Variants in TAF3 observed in about 807,000 individuals in gnomAD.
TAF3 encodes the protein TATA-box binding protein associated factor 3.
A neutral mutation model predicts 80.6 loss-of-function variants in TAF3; 7 were observed. The observed-to-expected ratio is 0.09, with a 90% CI of 0.05 to 0.16. The LOEUF is 0.16. Ranked by LOEUF, TAF3 falls within the 10% of genes least tolerant of loss-of-function variation. The probability of loss-of-function intolerance (pLI) is 1.00; values close to 1 mark genes in which losing one functional copy is unlikely to be tolerated. For synonymous variants in TAF3, 444 were observed against 446.1 expected, an observed-to-expected ratio of 1.00 and a Z score of 0.06; for missense variants, 921 against 1,140.2, an observed-to-expected ratio of 0.81 and a Z score of 2.77.
At chr10:7,876,223 A>T (rs1201520306) in intron 2 of TAF3, among the ~76,000 whole-genome samples, 1 of 152,094 alleles carries the variant, frequency 6.6e-6, no homozygotes, top group Non-Finnish European at 1.5e-5. Context: ...TAAGAGAAAG[A>T]CTGGATTATT....
chr10:7,965,690 A>G lies in TAF3; in HGVS notation c.2180A>G (p.Lys727Arg). Residue 727 changes from lysine to arginine, a missense_variant, in exon 3 of 7, where the codon AAG becomes AGG. Coordinates refer to ENST00000344293, the MANE Select transcript of TAF3 (RefSeq NM_031923.4). ...EKKEKEREKE[K>R]REREKREKEK... Reference sequence around the variant, plus strand: ...AAGGAGAAGGAAAGAGAGAAAGAGAAGAGAGAGCGAGAGAAGAGAGAAAAA... The same window carrying G: ...AAGGAGAAGGAAAGAGAGAAAGAGAGGAGAGAGCGAGAGAAGAGAGAAAAA... 1 of 1,566,140 alleles carries G rather than the reference A, an allele frequency of 6.4e-7. No homozygotes were observed. Among genetic ancestry groups the G allele is most frequent in the East Asian group, 2.3e-5 (1 of 44,232 alleles).
chr10:8,013,942 G>GT, intron 6 of TAF3, 105 bp downstream of exon 6: 2 of 935,534 alleles, frequency 2.1e-6, no homozygotes, highest in Non-Finnish European at 3.5e-6. Context: ...CTGACCCAGG[G>GT]CTGTCCTAGG....
chr10:7,967,616 G>A (rs761612713), intron 3 of TAF3, among the ~76,000 whole-genome samples: 2 of 152,186 alleles, frequency 1.3e-5, no homozygotes, highest in Non-Finnish European at 2.9e-5. Flanking sequence ...AAATAGTAAT[G>A]TCTATAGAAT....
chr10:7,953,066 T>C (rs988247036), intron 2 of TAF3, among the ~76,000 whole-genome samples: 4 of 152,124 alleles, frequency 2.6e-5, no homozygotes, highest in Non-Finnish European at 5.9e-5. Context: ...TGCCCCAGCC[T>C]CTTCTCCTCA....
chr10:7,849,302 A>T (rs895765581), intron 2 of TAF3, among the ~76,000 whole-genome samples: 4 of 152,156 alleles, frequency 2.6e-5, no homozygotes, highest in Admixed American at 2.6e-4. Flanking sequence ...TAAAAAAATT[A>T]CTGAGCTATT....
chr10:7,875,285 AT>A (rs941925242), intron 2 of TAF3, among the ~76,000 whole-genome samples: 134 of 152,270 alleles, frequency 8.8e-4, no homozygotes, highest in African/African-American at 3.0e-3. Context: ...CTTTCTGGAA[AT>A]TGTAAACTTT....
At chr10:7,884,675 G>A (rs528573301) in intron 2 of TAF3, among the ~76,000 whole-genome samples, 2 of 152,156 alleles carry the variant, frequency 1.3e-5, no homozygotes, top group South Asian at 2.1e-4. Flanking sequence ...GGCGTGCGCC[G>A]CTGCGCCTGG....
Position 7,965,533 on chromosome 10 carries a change from C to A in TAF3, c.2023C>A (p.Pro675Thr). ...LFSPATASRVPAMLPSLLPVL... is the reference protein window; with the variant it reads ...LFSPATASRVTAMLPSLLPVL... ...CAGCCCTGCCACAGCCTCCAGGGTC[C>A]CAGCCATGCTGCCATCTTTGTTGCC... Residue 675 changes from proline (P) to threonine (T), a missense_variant, in exon 3 of 7, where the codon CCA becomes ACA. This residue lies in a region of TAF3 where 743 missense variants were observed against 821.0 expected (regional missense o/e 0.90). Coordinates refer to ENST00000344293, the MANE Select transcript of TAF3 (RefSeq NM_031923.4). 6.2e-7 allele frequency: 1 copy of A among 1,602,416 alleles called. No individual in the cohort carries two copies. The highest frequency in any genetic ancestry group is 8.5e-7 in the Non-Finnish European group (1 of 1,177,300).
intron 2 of TAF3, among the ~76,000 whole-genome samples, chr10:7,900,531 A>G (rs1456900547): frequency 1.3e-5 from 2 of 152,228 alleles, no homozygotes; most frequent in African/African-American, 4.8e-5. Context: ...GGAGCCAAGA[A>G]AACAAGCACA....
Position 7,838,908 on chromosome 10 carries a change from G to GTTTTTT in TAF3, c.409+14358_409+14363dup, listed in dbSNP as rs71505463. Among the ~76,000 whole-genome samples the GTTTTTT allele has an allele frequency of 7.7e-4, 78 of 101,860 alleles. 5 individuals carry two copies. In the South Asian group the frequency reaches 0.021, roughly 27 times the overall value. The allele number at this position is 101,860 out of a possible 152,430, so 66.8% of individuals were successfully genotyped here. On this transcript the variant is annotated intron_variant, in intron 2 of 6. Transcript: ENST00000344293. ...GGGAAGTTGTCTGGAGGCATTGCTTGTTTTTTTTTTTTTTTGGTTTGTTTG... is the reference window on the plus strand; with the variant it reads ...GGGAAGTTGTCTGGAGGCATTGCTTGTTTTTTTTTTTTTTTTTTTTTGGTTTGTTTG...
rs1184352194 is a variant in TAF3 at position 7,984,938 on chromosome 10, G to A, written c.2315+7615G>A. 2.0e-5 allele frequency among the ~76,000 whole-genome samples: 3 copies of A among 152,010 alleles called. No individual in the cohort carries two copies. The East Asian group carries it at 5.8e-4, about 29-fold the overall frequency. On this transcript the variant is annotated intron_variant, in intron 4 of 6. Coordinates refer to ENST00000344293, the MANE Select transcript of TAF3 (RefSeq NM_031923.4). ...GTTTCCTACAGATGAAAACACTTAGGCACTCTTTATTACCAAGAACATGGA... is the reference window on the plus strand; with the variant it reads ...GTTTCCTACAGATGAAAACACTTAGACACTCTTTATTACCAAGAACATGGA...
At chr10:7,899,452 G>T (rs1411644631) in intron 2 of TAF3, among the ~76,000 whole-genome samples, 1 of 152,178 alleles carries the variant, frequency 6.6e-6, no homozygotes, top group East Asian at 1.9e-4. Context: ...CTGAGGAGCA[G>T]TTTACTTACA....
intron 4 of TAF3, among the ~76,000 whole-genome samples, chr10:8,007,747 A>G (rs12253103): frequency 1.4e-3 from 215 of 151,672 alleles, no homozygotes; most frequent in African/African-American, 4.1e-3. Flanking sequence ...TGGGGTAATC[A>G]TTACTTCTTT....
intron 2 of TAF3, among the ~76,000 whole-genome samples, chr10:7,868,678 C>T (rs1837238029): frequency 6.6e-6 from 1 of 152,128 alleles, no homozygotes; most frequent in Non-Finnish European, 1.5e-5. Flanking sequence ...TAAATAGTAC[C>T]CACATAACAG....
intron 2 of TAF3, among the ~76,000 whole-genome samples, chr10:7,886,811 C>T (rs1837412638): frequency 6.6e-6 from 1 of 152,056 alleles, no homozygotes; most frequent in Admixed American, 6.6e-5. Flanking sequence ...ATTCAGGAAG[C>T]AAAACTTATG....
chr10:7,841,111 A>G (rs1251360188), intron 2 of TAF3, among the ~76,000 whole-genome samples: 2 of 152,216 alleles, frequency 1.3e-5, no homozygotes, highest in African/African-American at 2.4e-5. Flanking sequence ...TCGGCCTACC[A>G]AAGTGCTGGG....
At chr10:7,951,463 G>T (rs1209504269) in intron 2 of TAF3, among the ~76,000 whole-genome samples, 1 of 152,184 alleles carries the variant, frequency 6.6e-6, no homozygotes, top group South Asian at 2.1e-4. Context: ...GCTAACCTGG[G>T]CTCATTCCTG....
intron 2 of TAF3, among the ~76,000 whole-genome samples, chr10:7,938,558 A>G (rs556790863): frequency 6.6e-6 from 1 of 152,158 alleles, no homozygotes; most frequent in Non-Finnish European, 1.5e-5. Flanking sequence ...CCAGTCAGAC[A>G]AAAAAAAGAA....
At chr10:7,839,418 C>A (rs1342017798) in intron 2 of TAF3, among the ~76,000 whole-genome samples, 1 of 152,120 alleles carries the variant, frequency 6.6e-6, no homozygotes, top group Non-Finnish European at 1.5e-5. Flanking sequence ...GAGTTGAATT[C>A]AAGACATGGA....
Sources: allele counts gnomAD v4.1 joint callset (sites outside exome capture counted in the v4.1 genomes callset), GRCh38; gene constraint gnomAD v4.1.1; regional missense constraint gnomAD v4.1.1; transcripts MANE v1.5; gene names NCBI Gene and HGNC (gene_info 2026-07-23, HGNC 2026-07-21).